Variants in NDUFAF2 observed in about 807,000 individuals in gnomAD.
NDUFAF2 encodes the protein NADH:ubiquinone oxidoreductase complex assembly factor 2.
A neutral mutation model predicts 22.8 loss-of-function variants in NDUFAF2; 13 were observed. The ratio of observed to expected loss-of-function variants is 0.57; its 90% confidence interval spans 0.37 to 0.91. The LOEUF is 0.91. Ranked by LOEUF, NDUFAF2 falls within the 40% of genes least tolerant of loss-of-function variation. The pLI, the probability that NDUFAF2 is intolerant of heterozygous loss-of-function variation, is 0.01. For missense variants in NDUFAF2, 162 were observed against 195.2 expected (o/e 0.83, Z 1.01); for synonymous variants, 53 against 64.2 (o/e 0.83, Z 0.84).
chr5:61,083,597 G>A (rs1287421462), intron 2 of NDUFAF2, among the ~76,000 whole-genome samples: 1 of 145,088 alleles, frequency 6.9e-6, no homozygotes, highest in African/African-American at 2.4e-5. Flanking sequence ...TCACCATGTT[G>A]AGATCCTGAC....
At chr5:61,129,904 C>T (rs1753087631) in intron 3 of NDUFAF2, among the ~76,000 whole-genome samples, 1 of 152,002 alleles carries the variant, frequency 6.6e-6, no homozygotes, top group African/African-American at 2.4e-5. Flanking sequence ...GTTAAAAAGA[C>T]TTTCTAATTC....
rs185330876 is a variant in NDUFAF2, at chr5:61,046,750, C to T, written c.128-26375C>T. Among the ~76,000 whole-genome samples, 449 of 152,178 alleles carry T rather than the reference C, an allele frequency of 3.0e-3. 5 individuals carry two copies. The highest frequency in any genetic ancestry group is 8.2e-4 in the Non-Finnish European group (56 of 68,010). On this transcript the variant is annotated intron_variant, in intron 1 of 3. Transcript: ENST00000296597. Reference sequence around the variant, plus strand: ...AAAGTAAGTATCCCTTCATTTATGCCTGGCAAAGAATTCATGCATACTTAT... The same window carrying T: ...AAAGTAAGTATCCCTTCATTTATGCTTGGCAAAGAATTCATGCATACTTAT...
intron 2 of NDUFAF2, among the ~76,000 whole-genome samples, chr5:61,093,499 G>T (rs1206639243): frequency 2.6e-5 from 4 of 152,134 alleles, no homozygotes; most frequent in Admixed American, 2.0e-4. Context: ...AGCCTTTTCT[G>T]CATCTGTTGA....
At chr5:60,971,500 G>A (rs1258813120) in intron 1 of NDUFAF2, among the ~76,000 whole-genome samples, 2 of 151,800 alleles carry the variant, frequency 1.3e-5, no homozygotes, top group Middle Eastern at 3.4e-3. Context: ...TGTTAGCCAG[G>A]ATGGTCTCGA....
chr5:61,078,167 G>A (rs1752393003), intron 2 of NDUFAF2, among the ~76,000 whole-genome samples: 1 of 152,000 alleles, frequency 6.6e-6, no homozygotes, highest in African/African-American at 2.4e-5. Flanking sequence ...ACTATAGGGG[G>A]TTCCTTGTTT....
intron 1 of NDUFAF2, among the ~76,000 whole-genome samples, chr5:61,066,166 G>C (rs1752225709): frequency 6.6e-6 from 1 of 151,860 alleles, no homozygotes; most frequent in Non-Finnish European, 1.5e-5. Flanking sequence ...TGAAAAATCT[G>C]TACACCAAAA....
At chr5:61,112,559 A>G (rs1439720663) in intron 3 of NDUFAF2, among the ~76,000 whole-genome samples, 3 of 152,188 alleles carry the variant, frequency 2.0e-5, no homozygotes, top group African/African-American at 4.8e-5. Flanking sequence ...TTTGTCTGAT[A>G]TAAGTATAGC....
At chr5:61,048,457 T>C (rs547242033) in intron 1 of NDUFAF2, among the ~76,000 whole-genome samples, 2 of 152,070 alleles carry the variant, frequency 1.3e-5, no homozygotes, top group Non-Finnish European at 2.9e-5. Flanking sequence ...GCATATATGG[T>C]TTTTGTTTTT....
intron 3 of NDUFAF2, among the ~76,000 whole-genome samples, chr5:61,151,802 C>CA (rs66747926): frequency 2.6e-5 from 4 of 151,316 alleles, no homozygotes; most frequent in African/African-American, 4.9e-5. Flanking sequence ...CTCAAAAAAA[C>CA]AAAAAAAAAC....
chr5:61,034,469 C>G (rs915216487), intron 1 of NDUFAF2, among the ~76,000 whole-genome samples: 1 of 152,042 alleles, frequency 6.6e-6, no homozygotes, highest in Admixed American at 6.6e-5. Flanking sequence ...AGAAAAGGTA[C>G]AGTAAAAATG....
At chr5:61,093,467 AG>A (rs1448198131) in intron 2 of NDUFAF2, among the ~76,000 whole-genome samples, 1 of 152,188 alleles carries the variant, frequency 6.6e-6, no homozygotes, top group African/African-American at 2.4e-5. Flanking sequence ...TTTAACATGA[AG>A]GGATGCTGAT....
chr5:61,034,910 A>ATGTGTG lies in NDUFAF2; in HGVS notation c.128-38214_128-38213insGTGTGT, dbSNP rs200108799. Among the ~76,000 whole-genome samples the ATGTGTG allele has an allele frequency of 4.8e-3, 432 of 89,484 alleles. 1 individual carries two copies. The highest frequency in any genetic ancestry group is 0.011 in the Middle Eastern group (2 of 188). The allele number at this position is 89,484 out of a possible 152,430, so 58.7% of individuals were successfully genotyped here. Reference sequence around the variant, plus strand: ...TGGGTTTTTTTAGGTAGGCAAATATATATGTGTGTGTGTGTGTGTGTGTGT... The same window carrying ATGTGTG: ...TGGGTTTTTTTAGGTAGGCAAATATATGTGTGTATGTGTGTGTGTGTGTGTGTGTGT... On this transcript the variant is annotated intron_variant, in intron 1 of 3. Coordinates refer to ENST00000296597, the MANE Select transcript of NDUFAF2 (RefSeq NM_174889.5).
At chr5:61,103,866 G>A (rs899990286) in intron 3 of NDUFAF2, among the ~76,000 whole-genome samples, 1 of 152,016 alleles carries the variant, frequency 6.6e-6, no homozygotes, top group Admixed American at 6.6e-5. Flanking sequence ...TATGCATTCA[G>A]TAGAAACTAT....
chr5:60,961,272 C>T (rs903061051), intron 1 of NDUFAF2, among the ~76,000 whole-genome samples: 1 of 149,014 alleles, frequency 6.7e-6, no homozygotes, highest in East Asian at 2.0e-4. Flanking sequence ...TCAGCCAGGC[C>T]AACATGGTGA....
At chr5:61,078,074 C>T (rs1012011483) in intron 2 of NDUFAF2, among the ~76,000 whole-genome samples, 3 of 152,072 alleles carry the variant, frequency 2.0e-5, no homozygotes, top group South Asian at 2.1e-4. Flanking sequence ...TGACCTGGCC[C>T]GTCACCCCCA....
At chr5:61,033,199 CTGTT>C (rs1422727251) in intron 1 of NDUFAF2, among the ~76,000 whole-genome samples, 1 of 152,106 alleles carries the variant, frequency 6.6e-6, no homozygotes, top group Non-Finnish European at 1.5e-5. Context: ...ATTTGGCTCT[CTGTT>C]TGTCTATTAT....
intron 1 of NDUFAF2, among the ~76,000 whole-genome samples, chr5:61,014,492 C>G (rs1751482177): frequency 6.6e-6 from 1 of 152,042 alleles, no homozygotes; most frequent in African/African-American, 2.4e-5. Context: ...GTGAGCTGTG[C>G]TAGGAAATTA....
chr5:61,034,360 C>T (rs1751769021), intron 1 of NDUFAF2, among the ~76,000 whole-genome samples: 1 of 152,090 alleles, frequency 6.6e-6, no homozygotes, highest in South Asian at 2.1e-4. Context: ...ACCAAATGCA[C>T]CTAGGCTATA....
intron 1 of NDUFAF2, among the ~76,000 whole-genome samples, chr5:61,015,027 C>A (rs1169294131): frequency 6.6e-6 from 1 of 152,098 alleles, no homozygotes; most frequent in Admixed American, 6.5e-5. Context: ...TTTTGTTTCT[C>A]CTTTTTCTTG....
Sources: allele counts gnomAD v4.1 joint callset (sites outside exome capture counted in the v4.1 genomes callset), GRCh38; gene constraint gnomAD v4.1.1; transcripts MANE v1.5; gene names NCBI Gene and HGNC (gene_info 2026-07-23, HGNC 2026-07-21).